The following BRSK2 variants were observed in gnomAD, a reference collection of about 807,000 sequenced individuals.
The protein encoded by BRSK2 is BR serine/threonine kinase 2.
BRSK2 carries 19 observed loss-of-function variants against 83.3 expected under a neutral mutation model. The ratio of observed to expected loss-of-function variants is 0.23; its 90% CI spans 0.16 to 0.33. BRSK2 has a LOEUF of 0.33. Ranked by LOEUF, BRSK2 falls within the 10% of genes least tolerant of loss-of-function variation. The probability of loss-of-function intolerance (pLI) is 1.00; values close to 1 mark genes in which losing one functional copy is unlikely to be tolerated. For synonymous variants in BRSK2, 519 were observed against 435.4 expected, an observed-to-expected ratio of 1.19 and a Z score of -2.39; for missense variants, 798 against 1,042.3, an observed-to-expected ratio of 0.77 and a Z score of 3.23.
chr11:1,460,215 TG>T (rs1312416763), intron 19 of BRSK2, among the ~76,000 whole-genome samples: 1 of 152,128 alleles, frequency 6.6e-6, no homozygotes, highest in Non-Finnish European at 1.5e-5. Flanking sequence ...TCGGAGGCGC[TG>T]GGGTCCTAAG....
intron 1 of BRSK2, among the ~76,000 whole-genome samples, chr11:1,406,649 G>T (rs1590338532): frequency 6.6e-6 from 1 of 152,220 alleles, no homozygotes; most frequent in Admixed American, 6.5e-5. Context: ...GCCACACGGA[G>T]CTGGCATGAG....
chr11:1,395,770 G>C (rs1333255510), intron 1 of BRSK2, among the ~76,000 whole-genome samples: 1 of 152,198 alleles, frequency 6.6e-6, no homozygotes, highest in Non-Finnish European at 1.5e-5. Context: ...TGCACGCCGT[G>C]GATTTCCTGG....
chr11:1,456,993 G>A (rs1273176466), intron 18 of BRSK2: 2 of 1,596,974 alleles, frequency 1.3e-6, no homozygotes, highest in Non-Finnish European at 1.7e-6. Context: ...CTGGGGTGCT[G>A]GGCTTAAGGG....
chr11:1,436,799 C>T (rs1027384171), intron 2 of BRSK2, among the ~76,000 whole-genome samples: 4 of 152,090 alleles, frequency 2.6e-5, no homozygotes, highest in Admixed American at 2.6e-4. Context: ...CCTCTCCCTT[C>T]CTCTCCATTC....
chr11:1,394,646 T>C (rs1343533928), intron 1 of BRSK2, among the ~76,000 whole-genome samples: 1 of 106,082 alleles, frequency 9.4e-6, no homozygotes, highest in Non-Finnish European at 1.9e-5. Context: ...AGATGGGCCA[T>C]GGAGATGGGT....
At chr11:1,451,325 T>C (rs947817266) in intron 14 of BRSK2, 46 bp from the exon 15 acceptor site, 11 of 1,610,126 alleles carry the variant, frequency 6.8e-6, no homozygotes, top group Admixed American at 6.7e-5. Flanking sequence ...AGGGGAAGGA[T>C]GGAGCGGTCA....
intron 18 of BRSK2, 146 bp from the exon 19 acceptor site, chr11:1,459,046 C>A (rs1450821440): frequency 2.6e-6 from 2 of 766,598 alleles, no homozygotes; most frequent in Admixed American, 4.1e-5. Context: ...TGGCTCTGGC[C>A]CCCCCAGTAT....
chr11:1,404,057 G>A (rs1182466157), intron 1 of BRSK2, among the ~76,000 whole-genome samples: 1 of 152,176 alleles, frequency 6.6e-6, no homozygotes, highest in Non-Finnish European at 1.5e-5. Flanking sequence ...AGTGAAGTGT[G>A]AGCAGAGTTC....
At chr11:1,452,587 G>A (rs184464466) in intron 15 of BRSK2, among the ~76,000 whole-genome samples, 9 of 152,020 alleles carry the variant, frequency 5.9e-5, no homozygotes, top group Non-Finnish European at 4.4e-5. Context: ...TCAAGGGTCC[G>A]GCACGGATGC....
rs541978871 is a variant in BRSK2, at chr11:1,445,166, G to T, written c.813-128G>T. ...GCGGGGTGCGGGCAGGACGCAGGAG[G>T]CCTCCCCGGGCTGGGCACAGGGAGA... On this transcript the variant is annotated intron_variant, in intron 9 of 19. Transcript: ENST00000528841. 12 of 1,458,766 alleles carry T rather than the reference G, an allele frequency of 8.2e-6. No homozygotes were observed. In the South Asian group the frequency reaches 1.3e-4, roughly 15 times the overall value. The allele number at this position is 1,458,766 out of a possible 1,614,324, so 90.4% of individuals were successfully genotyped here.
intron 12 of BRSK2, among the ~76,000 whole-genome samples, chr11:1,448,434 C>A (rs895079108): frequency 1.1e-4 from 17 of 152,206 alleles, no homozygotes; most frequent in African/African-American, 4.1e-4. Context: ...CTCTGCCTGC[C>A]CTGGCTGCCC....
At chr11:1,452,790 G>A (rs966789361) in intron 15 of BRSK2, among the ~76,000 whole-genome samples, 1 of 151,844 alleles carries the variant, frequency 6.6e-6, no homozygotes, top group African/African-American at 2.4e-5. Flanking sequence ...CTTATTGAGG[G>A]TCCTGCACAG....
At chr11:1,402,046 C>T (rs538755078) in intron 1 of BRSK2, among the ~76,000 whole-genome samples, 2 of 152,350 alleles carry the variant, frequency 1.3e-5, no homozygotes, top group African/African-American at 2.4e-5. Flanking sequence ...ACCCACCCCT[C>T]GTGCCCCGCC....
chr11:1,417,537 G>C (rs1848220107), intron 1 of BRSK2, among the ~76,000 whole-genome samples: 2 of 150,950 alleles, frequency 1.3e-5, no homozygotes, highest in South Asian at 4.3e-4. Context: ...ACTGTGTCAT[G>C]CTTCTGTGGG....
intron 11 of BRSK2, 26 bp downstream of exon 11, chr11:1,445,694 C>T (rs754369008): frequency 1.2e-6 from 2 of 1,611,326 alleles, no homozygotes; most frequent in South Asian, 2.2e-5. Context: ...TGGCCTCCAG[C>T]CCGGCCTGCA....
intron 4 of BRSK2, among the ~76,000 whole-genome samples, chr11:1,442,175 C>A (rs577830505): frequency 6.6e-6 from 1 of 151,720 alleles, no homozygotes; most frequent in East Asian, 2.0e-4. Flanking sequence ...TGCATCCCTA[C>A]GTGCCTGGGG....
intron 1 of BRSK2, among the ~76,000 whole-genome samples, chr11:1,399,351 C>T (rs1230253165): frequency 6.6e-6 from 1 of 152,218 alleles, no homozygotes; most frequent in Non-Finnish European, 1.5e-5. Context: ...GGGCCTGGCC[C>T]TGCCACTGGG....
In BRSK2 at chr11:1,460,873, G is replaced by T; in HGVS notation, c.*150G>T. 2 of 1,585,842 alleles carry T rather than the reference G, an allele frequency of 1.3e-6. No individual in the cohort carries two copies. Among genetic ancestry groups the T allele is most frequent in the Non-Finnish European group, 1.7e-6 (2 of 1,167,496 alleles). ...AGGAAAGGAAAGGGGCGTTGGGGCC[G>T]GCCTGTGGGCTGCGCCACCCGCGCC... On this transcript the variant is annotated 3_prime_UTR_variant, in exon 20 of 20. Transcript: ENST00000528841.
chr11:1,439,037 C>T (rs1241403738), intron 3 of BRSK2, among the ~76,000 whole-genome samples: 3 of 152,178 alleles, frequency 2.0e-5, no homozygotes, highest in East Asian at 1.9e-4. Context: ...ACAGATGAGG[C>T]GCTGCTGCCC....
Sources: allele counts gnomAD v4.1 joint callset (sites outside exome capture counted in the v4.1 genomes callset), GRCh38; gene constraint gnomAD v4.1.1; transcripts MANE v1.5; gene names NCBI Gene and HGNC (gene_info 2026-07-23, HGNC 2026-07-21).